SLC35G2: variants seen among roughly 807,000 people sequenced by gnomAD.
SLC35G2 encodes the protein solute carrier family 35 member G2.
SLC35G2 carries 20 observed loss-of-function variants against 27.2 expected under a neutral mutation model. The ratio of observed to expected loss-of-function variants is 0.74; its 90% CI spans 0.52 to 1.07. The LOEUF is 1.07. Among genes scored for constraint, SLC35G2 ranks in the 50% least tolerant of loss-of-function variants. The probability of loss-of-function intolerance (pLI) is 0.00; values close to 1 mark genes in which losing one functional copy is unlikely to be tolerated. For missense variants in SLC35G2, 416 were observed against 493.3 expected (o/e 0.84, Z 1.48); for synonymous variants, 148 against 165.3 (o/e 0.90, Z 0.80).
chr3:136,833,038 C>G (rs1243883605), intron 1 of SLC35G2, among the ~76,000 whole-genome samples: 7 of 145,252 alleles, frequency 4.8e-5, no homozygotes, highest in Non-Finnish European at 7.4e-5. Flanking sequence ...CACTGCACTC[C>G]AGCCTGGGTG....
chr3:136,825,808 T>C (rs929321547), intron 1 of SLC35G2, among the ~76,000 whole-genome samples: 5 of 152,314 alleles, frequency 3.3e-5, no homozygotes, highest in Non-Finnish European at 7.4e-5. Flanking sequence ...TTTACTAGTA[T>C]TTTGTTGAGG....
intron 1 of SLC35G2, among the ~76,000 whole-genome samples, chr3:136,850,054 C>T (rs1937576306): frequency 6.6e-6 from 1 of 152,166 alleles, no homozygotes; most frequent in Non-Finnish European, 1.5e-5. Context: ...TTGCAGTGAG[C>T]TGAGATCATG....
chr3:136,851,641 G>A (rs887862884), intron 1 of SLC35G2, among the ~76,000 whole-genome samples: 1 of 152,118 alleles, frequency 6.6e-6, no homozygotes, highest in African/African-American at 2.4e-5. Flanking sequence ...CAAGGTAGGC[G>A]TGTTGAAGAC....
At chr3:136,838,283 A>ATATATATATATATATAT (rs1560013693) in intron 1 of SLC35G2, 8 of 110,600 alleles carry the variant, frequency 7.2e-5, no homozygotes, top group African/African-American at 2.3e-4. Flanking sequence ...ATATATATAT[A>ATATATATATATATATAT]AATGCACACA....
chr3:136,820,734 C>T (rs1936436418), intron 1 of SLC35G2, among the ~76,000 whole-genome samples: 1 of 152,142 alleles, frequency 6.6e-6, no homozygotes, highest in Non-Finnish European at 1.5e-5. Flanking sequence ...TTTTTTGACA[C>T]TTCTAGTAAA....
In SLC35G2 at chr3:136,824,437, G is replaced by A. The variant is rs140094323; in HGVS notation, c.-19+4809G>A. ...AGTTTTCTTTGTAGAGATCTTTCAC[G>A]TCTTTGGTTAAGTTAATGCTTAGGT... is the stretch of plus-strand genomic sequence containing the variant. On this transcript the variant is annotated intron_variant, in intron 1 of 1. Transcript: ENST00000446465. Among the ~76,000 whole-genome samples, 460 of 152,044 alleles carry A rather than the reference G, an allele frequency of 3.0e-3. 6 individuals carry two copies. Among genetic ancestry groups the A allele is most frequent in the African/African-American group, 9.6e-3 (400 of 41,504 alleles).
At chr3:136,821,972 A>T (rs919889458) in intron 1 of SLC35G2, among the ~76,000 whole-genome samples, 2 of 152,012 alleles carry the variant, frequency 1.3e-5, no homozygotes, top group South Asian at 4.2e-4. Flanking sequence ...TTAATTTTTA[A>T]TTTTTGTTGG....
chr3:136,843,849 C>CTTGAGGCAGGAGAATCT, intron 1 of SLC35G2, among the ~76,000 whole-genome samples: 1 of 151,130 alleles, frequency 6.6e-6, no homozygotes, highest in Admixed American at 6.6e-5. Context: ...CAGGAGAATC[C>CTTGAGGCAGGAGAATCT]CTTGAACCCA....
In SLC35G2 at chr3:136,855,605, T is replaced by G. The variant is rs772181431; in HGVS notation, c.1145T>G (p.Met382Arg). ...GATGTTTTTGGAGGGGTAATCATTATGATTAGTGTTTTTGTCCTTGCTGGC... is the reference window on the plus strand; with the variant it reads ...GATGTTTTTGGAGGGGTAATCATTAGGATTAGTGTTTTTGTCCTTGCTGGC... ...IYDVFGGVII[M>R]ISVFVLAGYK... Residue 382 changes from methionine (M) to arginine (R), a missense_variant, in exon 2 of 2, where the codon ATG (methionine) becomes AGG (arginine). Transcript: ENST00000446465. The G allele has an allele frequency of 6.2e-7, 1 of 1,614,098 alleles. No homozygotes were observed.
At chr3:136,836,468 C>T (rs1936873195) in intron 1 of SLC35G2, among the ~76,000 whole-genome samples, 2 of 152,150 alleles carry the variant, frequency 1.3e-5, no homozygotes, top group African/African-American at 4.8e-5. Context: ...GGTTGTGGAG[C>T]AGAAATTCAA....
intron 1 of SLC35G2, among the ~76,000 whole-genome samples, chr3:136,848,900 A>G (rs1394415060): frequency 6.6e-6 from 1 of 152,102 alleles, no homozygotes; most frequent in Non-Finnish European, 1.5e-5. Context: ...ATATACATGT[A>G]ACGAACCGGG....
In SLC35G2 at chr3:136,854,868, G is replaced by C; in HGVS notation, c.408G>C (p.Leu136=). The C allele has an allele frequency of 6.2e-7, 1 of 1,614,202 alleles. No homozygotes were observed. Among genetic ancestry groups the C allele is most frequent in the South Asian group, 1.1e-5 (1 of 91,086 alleles). ...SDRSKVPSLE[L]IFIRSVFQVL... is the part of the protein sequence containing the mutation. ...GGTCTAAAGTTCCATCTCTAGAACT[G>C]ATTTTTATCCGTTCTGTTTTTCAGG... Residue 136 remains leucine (L), a synonymous_variant, in exon 2 of 2, where the codon CTG becomes CTC. Transcript: ENST00000446465.
chr3:136,850,977 C>A lies in SLC35G2; in HGVS notation c.-18-3466C>A, dbSNP rs537908057. The stretch of plus-strand genomic sequence containing the variant: ...TCCAGCCTGCGCAACGGAGTGAGAC[C>A]CTGTCTCAAAATAATTATTATTTGA... On this transcript the variant is annotated intron_variant, in intron 1 of 1. Coordinates refer to ENST00000446465, the MANE Select transcript of SLC35G2 (RefSeq NM_025246.3). 4.6e-5 allele frequency among the ~76,000 whole-genome samples: 7 copies of A among 151,940 alleles called. No homozygotes were observed. The East Asian group carries it at 1.4e-3, about 29-fold the overall frequency.
At chr3:136,823,671 C>T (rs1447331407) in intron 1 of SLC35G2, among the ~76,000 whole-genome samples, 1 of 152,094 alleles carries the variant, frequency 6.6e-6, no homozygotes, top group African/African-American at 2.4e-5. Flanking sequence ...TCTCTGCTCA[C>T]TGCAACCGCC....
intron 1 of SLC35G2, among the ~76,000 whole-genome samples, chr3:136,835,952 T>G (rs1936854521): frequency 6.6e-6 from 1 of 152,194 alleles, no homozygotes; most frequent in Non-Finnish European, 1.5e-5. Flanking sequence ...TCTTCTGGTA[T>G]TTTTTCTGCC....
chr3:136,819,893 C>G (rs1458826749), intron 1 of SLC35G2: 3 of 152,154 alleles, frequency 2.0e-5, no homozygotes, highest in Non-Finnish European at 4.4e-5. Flanking sequence ...AGGCTCAGGG[C>G]AAGTCCGCAC....
Position 136,854,745 on chromosome 3 carries a change from A to C in SLC35G2, c.285A>C (p.Glu95Asp). ...TTGGACAATTCCAGAGCTTTGCAGA[A>C]AAAAACATTTTTCAATCCCGAAAAA... ...NEIGQFQSFA[E>D]KNIFQSRKMW... The change falls in exon 2 of 2, where the codon GAA (glutamate) becomes GAC (aspartate). Residue 95 changes from glutamate (E) to aspartate (D), a missense_variant. Transcript: ENST00000446465. The C allele has an allele frequency of 6.2e-7, 1 of 1,614,162 alleles. No individual in the cohort carries two copies. Among genetic ancestry groups the C allele is most frequent in the Non-Finnish European group, 8.5e-7 (1 of 1,180,024 alleles).
Position 136,855,495 on chromosome 3 carries a change from T to C in SLC35G2, c.1035T>C (p.Ala345=), listed in dbSNP as rs17852098. The C allele has an allele frequency of 1.2e-6, 2 of 1,614,194 alleles. No homozygotes were observed. Among genetic ancestry groups the C allele is most frequent in the African/African-American group, 2.7e-5 (2 of 75,066 alleles). ...ATGCCTTGGACAAATTCCATCCAGC[T>C]TTGGTTAGCACAGTACAACATTTGG... ...VYYALDKFHP[A]LVSTVQHLEI... The change falls in exon 2 of 2, where the codon GCT becomes GCC. Residue 345 remains alanine (A), a synonymous_variant. Coordinates refer to ENST00000446465, the MANE Select transcript of SLC35G2 (RefSeq NM_025246.3).
intron 1 of SLC35G2, among the ~76,000 whole-genome samples, chr3:136,834,306 C>T (rs1266902965): frequency 1.3e-5 from 2 of 152,150 alleles, no homozygotes; most frequent in Non-Finnish European, 2.9e-5. Flanking sequence ...AGAGTCAACT[C>T]ATCCCAATTC....
Sources: gnomAD v4.1 joint callset for allele counts (sites outside exome capture counted in the v4.1 genomes callset) on GRCh38, gnomAD v4.1.1 for gene constraint, MANE v1.5 for transcripts, NCBI Gene and HGNC (gene_info 2026-07-23, HGNC 2026-07-21) for gene names.